The following TAF3 variants were observed in gnomAD, a reference collection of about 807,000 sequenced individuals.
The protein encoded by TAF3 is TATA-box binding protein associated factor 3.
Under a neutral mutation model 80.6 loss-of-function variants are expected in TAF3, and 7 were observed. The observed-to-expected ratio is 0.09, with a 90% CI of 0.05 to 0.16. TAF3 has a LOEUF of 0.16. Among genes scored for constraint, TAF3 ranks in the 10% least tolerant of loss-of-function variants. The pLI is 1.00. For synonymous variants in TAF3, 444 were observed against 446.1 expected, an observed-to-expected ratio of 1.00 and a Z score of 0.06; for missense variants, 921 against 1,140.2, an observed-to-expected ratio of 0.81 and a Z score of 2.77.
chr10:8,003,595 T>C (rs1469657252), intron 4 of TAF3, among the ~76,000 whole-genome samples: 1 of 152,248 alleles, frequency 6.6e-6, no homozygotes, highest in African/African-American at 2.4e-5. Flanking sequence ...TGATTTCAGA[T>C]TACACATTGC....
chr10:7,981,280 C>G (rs971725695), intron 4 of TAF3, among the ~76,000 whole-genome samples: 2 of 152,180 alleles, frequency 1.3e-5, no homozygotes, highest in African/African-American at 4.8e-5. Flanking sequence ...TATTCACCCA[C>G]CCTTGCCCTC....
intron 2 of TAF3, among the ~76,000 whole-genome samples, chr10:7,957,588 T>C (rs1419421867): frequency 1.3e-5 from 2 of 152,196 alleles, no homozygotes; most frequent in African/African-American, 4.8e-5. Flanking sequence ...GCCAAGAAGA[T>C]GAACTTGTGT....
At chr10:7,826,269 A>G (rs1375769657) in intron 2 of TAF3, among the ~76,000 whole-genome samples, 2 of 152,208 alleles carry the variant, frequency 1.3e-5, no homozygotes, top group Non-Finnish European at 2.9e-5. Flanking sequence ...TTTGATCATA[A>G]TCTACACTTA....
At chr10:7,822,243 T>TA (rs5783000) in intron 1 of TAF3, among the ~76,000 whole-genome samples, 100 of 136,748 alleles carry the variant, frequency 7.3e-4, no homozygotes, top group African/African-American at 9.5e-4. Flanking sequence ...AAATCATGGT[T>TA]AAAAAAAAAA....
At chr10:7,844,995 C>T (rs374053215) in intron 2 of TAF3, among the ~76,000 whole-genome samples, 15 of 152,014 alleles carry the variant, frequency 9.9e-5, no homozygotes, top group Admixed American at 5.9e-4. Context: ...GATAAATTCC[C>T]AGGGTAGAAG....
intron 2 of TAF3, among the ~76,000 whole-genome samples, chr10:7,870,962 T>A (rs903580971): frequency 2.0e-5 from 3 of 152,220 alleles, no homozygotes; most frequent in African/African-American, 7.2e-5. Flanking sequence ...GAAGTATAAT[T>A]TTCATGACTT....
At chr10:7,873,622 C>CCCA (rs1033346948) in intron 2 of TAF3, among the ~76,000 whole-genome samples, 1 of 130,636 alleles carries the variant, frequency 7.7e-6, no homozygotes, top group South Asian at 2.7e-4. Context: ...AGTTCTCCCC[C>CCCA]CCCCCCCGTC....
chr10:7,936,756 G>A (rs955351758), intron 2 of TAF3, among the ~76,000 whole-genome samples: 12 of 151,310 alleles, frequency 7.9e-5, no homozygotes, highest in African/African-American at 2.0e-4. Flanking sequence ...TTGGACAAAC[G>A]TATAAAGACA....
At chr10:7,947,537 A>G (rs2131400975) in intron 2 of TAF3, among the ~76,000 whole-genome samples, 1 of 152,352 alleles carries the variant, frequency 6.6e-6, no homozygotes, top group South Asian at 2.1e-4. Flanking sequence ...TGCAGTGATC[A>G]GAGACGGCTT....
At chr10:7,870,381 T>C (rs772067011) in intron 2 of TAF3, among the ~76,000 whole-genome samples, 1 of 152,248 alleles carries the variant, frequency 6.6e-6, no homozygotes, top group Non-Finnish European at 1.5e-5. Context: ...TTTTTACTTA[T>C]AGTTAATTCT....
intron 2 of TAF3, among the ~76,000 whole-genome samples, chr10:7,956,404 T>G (rs2131406928): frequency 6.6e-6 from 1 of 152,216 alleles, no homozygotes; most frequent in African/African-American, 2.4e-5. Flanking sequence ...GGAGAATCGC[T>G]TGACCCCGGG....
intron 2 of TAF3, among the ~76,000 whole-genome samples, chr10:7,926,751 C>T (rs140744102): frequency 6.6e-6 from 1 of 152,074 alleles, no homozygotes; most frequent in Admixed American, 6.5e-5. Flanking sequence ...AATTTGAGCC[C>T]ATTATATCTA....
At chr10:7,941,574 C>T (rs1184819274) in intron 2 of TAF3, among the ~76,000 whole-genome samples, 1 of 152,190 alleles carries the variant, frequency 6.6e-6, no homozygotes, top group Non-Finnish European at 1.5e-5. Context: ...GAGCCACTGC[C>T]CTCTGCTTCG....
At chr10:7,878,953 C>T (rs1362318792) in intron 2 of TAF3, among the ~76,000 whole-genome samples, 2 of 152,094 alleles carry the variant, frequency 1.3e-5, no homozygotes, top group African/African-American at 4.8e-5. Context: ...GTCCGGAACT[C>T]CTGACCTCAA....
intron 3 of TAF3, among the ~76,000 whole-genome samples, chr10:7,967,239 G>T (rs1371763093): frequency 1.3e-5 from 2 of 151,668 alleles, no homozygotes; most frequent in Non-Finnish European, 2.9e-5. Context: ...TTTATCCCTT[G>T]TGTACCTAGT....
In TAF3 at chr10:7,829,337, G is replaced by A. The variant is rs757913497; in HGVS notation, c.409+4777G>A. ...TATTGACATGTTATTATTAAGTGAC[G>A]CCCGCACTGTATTGACATTCCTTAG... is the stretch of plus-strand genomic sequence containing the variant. On this transcript the variant is annotated intron_variant, in intron 2 of 6. Transcript: ENST00000344293. Among the ~76,000 whole-genome samples the A allele has an allele frequency of 5.9e-5, 9 of 152,194 alleles. 1 individual carries two copies. Among genetic ancestry groups the A allele is most frequent in the Middle Eastern group, 6.8e-3 (2 of 294 alleles).
chr10:8,014,177 G>C (rs1190578174), intron 6 of TAF3, among the ~76,000 whole-genome samples: 2 of 152,184 alleles, frequency 1.3e-5, no homozygotes, highest in Non-Finnish European at 2.9e-5. Context: ...ACCACGAAGA[G>C]GCAGCGCCTT....
Position 8,007,625 on chromosome 10 carries a change from TAAAG to T in TAF3, c.2316-1450_2316-1447del, listed in dbSNP as rs1321585843. ...ATATATATATACCTTTTTTTTTTAA[TAAAG>T]AAGCTTAAAAACAAGCTTTGGAATC... On this transcript the variant is annotated intron_variant, in intron 4 of 6. Coordinates refer to ENST00000344293, the MANE Select transcript of TAF3 (RefSeq NM_031923.4). Among the ~76,000 whole-genome samples the T allele has an allele frequency of 8.8e-4, 112 of 126,792 alleles. 1 individual carries two copies. Among genetic ancestry groups the T allele is most frequent in the Non-Finnish European group, 1.6e-3 (99 of 61,768 alleles). The allele number at this position is 126,792 out of a possible 152,430, so 83.2% of individuals were successfully genotyped here. A position where few individuals can be genotyped will look rare whatever the true frequency, so the allele number is the denominator to read the frequency against.
chr10:7,818,724 C>T lies in TAF3; in HGVS notation c.15C>T (p.Tyr5=), dbSNP rs1836656847. The T allele has an allele frequency of 2.5e-6, 4 of 1,606,880 alleles. No homozygotes were observed. Among genetic ancestry groups the T allele is most frequent in the African/African-American group, 2.7e-5 (2 of 74,316 alleles). The change falls in exon 1 of 7, where the codon TAC becomes TAT. Residue 5 remains tyrosine (Y), a synonymous_variant. Coordinates refer to ENST00000344293, the MANE Select transcript of TAF3 (RefSeq NM_031923.4). The part of the protein sequence containing the change: MCES[Y]SRSLLRVSVA... ...CACGCAGCGGGATGTGCGAGAGTTA[C>T]TCCAGGTCGTTGTTGAGGGTCTCGG...
Sources: gnomAD v4.1 joint callset for allele counts (sites outside exome capture counted in the v4.1 genomes callset) on GRCh38, gnomAD v4.1.1 for gene constraint, MANE v1.5 for transcripts, NCBI Gene and HGNC (gene_info 2026-07-23, HGNC 2026-07-21) for gene names.